The following WWC1 variants were observed in gnomAD, a reference collection of about 807,000 sequenced individuals.
The protein encoded by WWC1 is protein KIBRA.
WWC1 carries 55 observed loss-of-function variants against 138.4 expected under a neutral mutation model. That is an observed-to-expected ratio of 0.40 (90% confidence interval 0.32 to 0.50). The LOEUF (loss-of-function observed/expected upper bound fraction) is 0.50, where lower values mean the gene tolerates loss of function less well. WWC1 is among the 20% of genes least tolerant of loss of function. WWC1 has a pLI of 0.72. For missense variants in WWC1, 1,226 were observed against 1,420.4 expected, an observed-to-expected ratio of 0.86 and a Z score of 2.20; for synonymous variants, 524 against 564.9, an observed-to-expected ratio of 0.93 and a Z score of 1.03.
In WWC1 at chr5:168,471,588, G is replaced by C. The variant is rs544023211; in HGVS notation, c.*2571G>C. The C allele has an allele frequency of 6.6e-6, 1 of 152,388 alleles. No individual in the cohort carries two copies. The highest frequency in any genetic ancestry group is 2.1e-4 in the South Asian group (1 of 4,828). The allele number at this position is 152,388 out of a possible 1,614,324, so 9.4% of individuals were successfully genotyped here. A position where few individuals can be genotyped will look rare whatever the true frequency, so the allele number is the denominator to read the frequency against. On this transcript the variant is annotated 3_prime_UTR_variant, in exon 23 of 23. Transcript: ENST00000265293. ...TGTTAAGGGCATTGGCCACAGCAAC[G>C]GGGCAAATGCCCCAAGCTGGCTGTA... is the stretch of plus-strand genomic sequence containing the variant.
intron 5 of WWC1, among the ~76,000 whole-genome samples, chr5:168,401,421 AT>A (rs1779301203): frequency 6.6e-6 from 1 of 152,122 alleles, no homozygotes; most frequent in African/African-American, 2.4e-5. Flanking sequence ...CCTTTTCCTC[AT>A]TCCATGAATT....
intron 1 of WWC1, among the ~76,000 whole-genome samples, chr5:168,365,794 G>A (rs932596867): frequency 3.3e-5 from 5 of 152,234 alleles, no homozygotes; most frequent in Non-Finnish European, 5.9e-5. Flanking sequence ...AGGAATGTTT[G>A]TGCTCCTTTA....
chr5:168,406,267 A>T lies in WWC1; in HGVS notation c.660A>T (p.Glu220Asp). ...ATGAAGCTCAGGCTGTCTTGAGAGA[A>T]ACAAAAGCCATCAAAAAGGCTATTA... is the stretch of plus-strand genomic sequence containing the variant. The part of the protein sequence containing the change: ...KLDEAQAVLR[E>D]TKAIKKAITC... The change falls in exon 6 of 23, where the codon GAA becomes GAT. Residue 220 changes from glutamate (E) to aspartate (D), a missense_variant. Around this residue, in one of 3 missense-constraint regions of WWC1, gnomAD observed 1,016 missense variants for 1,153.9 expected, o/e 0.88. Coordinates refer to ENST00000265293, the MANE Select transcript of WWC1 (RefSeq NM_015238.3). 1.2e-6 allele frequency: 2 copies of T among 1,614,144 alleles called. No homozygotes were observed. Among genetic ancestry groups the T allele is most frequent in the Non-Finnish European group, 1.7e-6 (2 of 1,179,988 alleles).
Position 168,465,548 on chromosome 5 carries a change from C to CTTT in WWC1, c.3150+612_3150+614dup, listed in dbSNP as rs10527141. Among the ~76,000 whole-genome samples the CTTT allele has an allele frequency of 6.4e-3, 299 of 46,942 alleles. 143 individuals are homozygous for CTTT. Among genetic ancestry groups the CTTT allele is most frequent in the African/African-American group, 0.02 (244 of 11,922 alleles). 30.8% of individuals were successfully genotyped at this position (46,942 alleles called of 152,430 possible). On this transcript the variant is annotated intron_variant, in intron 21 of 22. Coordinates refer to ENST00000265293, the MANE Select transcript of WWC1 (RefSeq NM_015238.3). Reference sequence around the variant, plus strand: ...CACACAAAGTTTTATATCAGCTGGGCTTTTTTTTTTTTTTTTTTTTTTTTT... The same window carrying CTTT: ...CACACAAAGTTTTATATCAGCTGGGCTTTTTTTTTTTTTTTTTTTTTTTTTTTT...
chr5:168,369,945 G>C (rs1401753792), intron 1 of WWC1, among the ~76,000 whole-genome samples: 1 of 134,586 alleles, frequency 7.4e-6, no homozygotes, highest in Non-Finnish European at 1.5e-5. Context: ...TTGTCACCCA[G>C]GCTGGAGTGC....
At position 168,428,924 on chromosome 5, in the gene WWC1, G is replaced by C. The variant is rs1781729852; in HGVS notation, c.2000+137G>C. 4 of 771,234 alleles carry C rather than the reference G, an allele frequency of 5.2e-6. No individual in the cohort carries two copies. In the East Asian group the frequency reaches 1.1e-4, roughly 22 times the overall value. The allele number at this position is 771,234 out of a possible 1,614,324, so 47.8% of individuals were successfully genotyped here. A position where few individuals can be genotyped will look rare whatever the true frequency, so the allele number is the denominator to read the frequency against. On this transcript the variant is annotated intron_variant, in intron 13 of 22. Coordinates refer to ENST00000265293, the MANE Select transcript of WWC1 (RefSeq NM_015238.3). Reference sequence around the variant, plus strand: ...CCAGCAGGACCTGCTGGCCATTGCAGCTTCTTAACTGAAGGGATGCTGATT... The same window carrying C: ...CCAGCAGGACCTGCTGGCCATTGCACCTTCTTAACTGAAGGGATGCTGATT...
chr5:168,399,378 C>A, intron 4 of WWC1, 110 bp from the exon 5 acceptor site: 2 of 1,108,494 alleles, frequency 1.8e-6, no homozygotes, highest in Admixed American at 2.0e-5. Context: ...TGACCTGAGT[C>A]ATTATGCAGG....
chr5:168,440,679 G>A (rs1360446997), intron 15 of WWC1, among the ~76,000 whole-genome samples: 5 of 152,006 alleles, frequency 3.3e-5, no homozygotes, highest in African/African-American at 7.2e-5. Context: ...CACCACGCTC[G>A]GCTAATTTTG....
rs1031486629 is a variant in WWC1, at chr5:168,414,258, A to T, written c.942-90A>T. On this transcript the variant is annotated intron_variant, in intron 8 of 22. Transcript: ENST00000265293. ...CAAAGGAAGACAGTAACTGTCAAAG[A>T]TTGCTCTGAGATGTCTGTTTCTTCA... is the stretch of plus-strand genomic sequence containing the variant. The T allele has an allele frequency of 1.6e-4, 241 of 1,513,608 alleles. 1 individual carries two copies. The highest frequency in any genetic ancestry group is 6.3e-5 in the Admixed American group (3 of 47,400). 93.8% of individuals were successfully genotyped at this position (1,513,608 alleles called of 1,614,324 possible). A position where few individuals can be genotyped will look rare whatever the true frequency, so the allele number is the denominator to read the frequency against.
At chr5:168,467,742 C>T (rs1274015404) in intron 21 of WWC1, 98 bp from the exon 22 acceptor site, 34 of 1,528,604 alleles carry the variant, frequency 2.2e-5, no homozygotes, top group South Asian at 3.6e-5. Flanking sequence ...GTGAGGGTGC[C>T]GTCCCTACAG....
At position 168,414,416 on chromosome 5, in the gene WWC1, A is replaced by G. The variant is rs1446702772; in HGVS notation, c.1010A>G (p.Glu337Gly). The part of the protein sequence containing the change: ...SEAWPGVLDS[E>G]RDRLILINEK... Reference sequence around the variant, plus strand: ...GCCTGGCCTGGGGTGCTGGACTCAGAGAGGGACCGGCTGATCCTTATCAAC... The same window carrying G: ...GCCTGGCCTGGGGTGCTGGACTCAGGGAGGGACCGGCTGATCCTTATCAAC... The change falls in exon 9 of 23, where the codon GAG becomes GGG. Residue 337 changes from glutamate (E) to glycine (G), a missense_variant. This residue lies in a region of WWC1 where 1,016 missense variants were observed against 1,153.9 expected (regional missense o/e 0.88). Coordinates refer to ENST00000265293, the MANE Select transcript of WWC1 (RefSeq NM_015238.3). 1.2e-6 allele frequency: 2 copies of G among 1,603,256 alleles called. No individual in the cohort carries two copies. Among genetic ancestry groups the G allele is most frequent in the Non-Finnish European group, 1.7e-6 (2 of 1,174,540 alleles).
At chr5:168,370,534 T>C (rs527970515) in intron 1 of WWC1, among the ~76,000 whole-genome samples, 34 of 152,150 alleles carry the variant, frequency 2.2e-4, no homozygotes, top group African/African-American at 7.5e-4. Flanking sequence ...GAGAAGGAGA[T>C]TGTAGAATAT....
chr5:168,426,523 T>G (rs1361424322), intron 11 of WWC1, among the ~76,000 whole-genome samples: 2 of 152,204 alleles, frequency 1.3e-5, no homozygotes, highest in African/African-American at 4.8e-5. Flanking sequence ...CAGCAAGCAA[T>G]GCCAGGCAGA....
At chr5:168,468,553 A>G (rs1339351040) in intron 22 of WWC1, among the ~76,000 whole-genome samples, 2 of 152,192 alleles carry the variant, frequency 1.3e-5, no homozygotes, top group Middle Eastern at 3.2e-3. Flanking sequence ...TATTTGTACA[A>G]CTATCTTTGG....
intron 1 of WWC1, among the ~76,000 whole-genome samples, chr5:168,331,812 G>A (rs553849108): frequency 2.3e-4 from 35 of 152,288 alleles, no homozygotes; most frequent in Non-Finnish European, 4.9e-4. Context: ...AAAATTCAAA[G>A]TAATTGTCAG....
chr5:168,385,193 C>A lies in WWC1; in HGVS notation c.230-18C>A. ...TATTTGTGAGATGCTGACCTAGAAT[C>A]TCTGGGGTCTGTTCCAGAAACCACT... On this transcript the variant is annotated intron_variant, in intron 2 of 22. Transcript: ENST00000265293. 1 of 1,613,734 alleles carries A rather than the reference C, an allele frequency of 6.2e-7. No homozygotes were observed. The highest frequency in any genetic ancestry group is 8.5e-7 in the Non-Finnish European group (1 of 1,179,782).
chr5:168,422,501 C>T (rs1482168586), intron 10 of WWC1, among the ~76,000 whole-genome samples: 2 of 152,110 alleles, frequency 1.3e-5, no homozygotes, highest in African/African-American at 4.8e-5. Context: ...CCTGTGGTCC[C>T]AGCTACTCAG....
At chr5:168,466,942 A>C (rs1027491447) in intron 21 of WWC1, among the ~76,000 whole-genome samples, 1 of 152,126 alleles carries the variant, frequency 6.6e-6, no homozygotes, top group Non-Finnish European at 1.5e-5. Context: ...ATTAGCATCT[A>C]TGACTTCTAA....
Position 168,378,987 on chromosome 5 carries a change from T to G in WWC1, c.230-6224T>G, listed in dbSNP as rs181209610. ...AAGGGATGGGTGTATGGAGAACTCATGAGTGTGCTGCCATGTGTGCTGTGT... is the reference window on the plus strand; with the variant it reads ...AAGGGATGGGTGTATGGAGAACTCAGGAGTGTGCTGCCATGTGTGCTGTGT... On this transcript the variant is annotated intron_variant, in intron 2 of 22. Transcript: ENST00000265293. Among the ~76,000 whole-genome samples the G allele has an allele frequency of 6.7e-4, 102 of 152,206 alleles. 1 individual carries two copies. The highest frequency in any genetic ancestry group is 4.1e-3 in the Admixed American group (63 of 15,276).
Sources: gnomAD v4.1 joint callset for allele counts (sites outside exome capture counted in the v4.1 genomes callset) on GRCh38, gnomAD v4.1.1 for gene constraint, gnomAD v4.1.1 regional missense constraint, MANE v1.5 for transcripts, NCBI Gene and HGNC (gene_info 2026-07-23, HGNC 2026-07-21) for gene names.